The following NPHP4 variants were observed in gnomAD, a reference collection of about 807,000 sequenced individuals.
NPHP4 encodes the protein nephrocystin 4.
NPHP4 carries 151 observed loss-of-function variants against 155.8 expected under a neutral mutation model. That is an observed-to-expected ratio of 0.97 (90% CI 0.85 to 1.11). The LOEUF (loss-of-function observed/expected upper bound fraction) is 1.11, where lower values mean the gene tolerates loss of function less well. NPHP4 is among the 50% of genes least tolerant of loss of function. The pLI, the probability that NPHP4 is intolerant of heterozygous loss-of-function variation, is 0.00. For synonymous variants in NPHP4, 845 were observed against 816.8 expected (o/e 1.03, Z -0.59); for missense variants, 1,956 against 1,925.7 (o/e 1.02, Z -0.29).
At position 5,905,498 on chromosome 1, in the gene NPHP4, C is replaced by G. The variant is rs750330288; in HGVS notation, c.1764-15G>C. ...GCCCTGCAGAGCTGAGACACAGAGA[C>G]TCCTCAGGTAGCCTCCCGGGAAAGG... On this transcript the variant is annotated splice_polypyrimidine_tract_variant and intron_variant, in intron 14 of 29. Coordinates refer to ENST00000378156, the MANE Select transcript of NPHP4 (RefSeq NM_015102.5). The surrounding 1 kb of genome is among the most constrained non-coding windows in gnomAD (Gnocchi z 4.0). 5.6e-6 allele frequency: 9 copies of G among 1,599,436 alleles called. No homozygotes were observed. In the South Asian group the frequency reaches 1.0e-4, roughly 18 times the overall value.
intron 13 of NPHP4, among the ~76,000 whole-genome samples, chr1:5,906,525 T>A (rs1156824315): frequency 6.6e-6 from 1 of 152,382 alleles, no homozygotes; most frequent in Middle Eastern, 3.4e-3. Context: ...CAGCAGAGAC[T>A]CATGGTGCTA....
chr1:5,917,094 C>T (rs76978389), intron 11 of NPHP4, among the ~76,000 whole-genome samples: 3,887 of 152,242 alleles, frequency 0.026, 63 homozygotes, highest in Non-Finnish European at 0.035. Flanking sequence ...TCAACTTCAC[C>T]GACCCTGAAT....
At chr1:5,958,849 CCT>C (rs1649745273) in intron 6 of NPHP4, among the ~76,000 whole-genome samples, 1 of 32,868 alleles carries the variant, frequency 3.0e-5, no homozygotes, top group Non-Finnish European at 5.6e-5. Flanking sequence ...AGAGCCAGAC[CCT>C]GTCTCAAAAA....
chr1:5,936,875 A>G (rs1447793413), intron 9 of NPHP4, among the ~76,000 whole-genome samples: 1 of 152,240 alleles, frequency 6.6e-6, no homozygotes, highest in Non-Finnish European at 1.5e-5. Flanking sequence ...GTGATTAGTT[A>G]CAGTGTTGTG....
chr1:5,889,887 T>G lies in NPHP4; in HGVS notation c.2304+981A>C, dbSNP rs1314145176. 6.6e-6 allele frequency among the ~76,000 whole-genome samples: 1 copy of G among 152,124 alleles called. No homozygotes were observed. The highest frequency in any genetic ancestry group is 1.5e-5 in the Non-Finnish European group (1 of 68,000). ...ACGTTCTGTGCACAGCCCACCACCC[T>G]GGGGGGCATCCCCCTCCTCTAGAAG... On this transcript the variant is annotated intron_variant, in intron 17 of 29. Coordinates refer to ENST00000378156, the MANE Select transcript of NPHP4 (RefSeq NM_015102.5). The surrounding 1 kb of genome is among the most constrained non-coding windows in gnomAD (Gnocchi z 4.2).
chr1:5,967,259 GA>G (rs1557856025), intron 5 of NPHP4, 39 bp downstream of exon 5: 1 of 1,520,836 alleles, frequency 6.6e-7, no homozygotes, highest in South Asian at 1.2e-5. Flanking sequence ...GGGAAGGCAC[GA>G]GAGCAGTGAG....
rs1553154613 is a variant in NPHP4 at position 5,869,243 on chromosome 1, A to ATGCACCCACATG, written c.3316-1348_3316-1347insCATGTGGGTGCA. 6.5e-5 allele frequency among the ~76,000 whole-genome samples: 9 copies of ATGCACCCACATG among 137,804 alleles called. No individual in the cohort carries two copies. The East Asian group carries it at 1.7e-3, about 26-fold the overall frequency. 90.4% of individuals were successfully genotyped at this position (137,804 alleles called of 152,430 possible). On this transcript the variant is annotated intron_variant, in intron 23 of 29. Coordinates refer to ENST00000378156, the MANE Select transcript of NPHP4 (RefSeq NM_015102.5). Reference sequence around the variant, plus strand: ...CACATCCACCCACATGCACACACACACACACACACATGCACACCCACATGC... The same window carrying ATGCACCCACATG: ...CACATCCACCCACATGCACACACACATGCACCCACATGCACACACACATGCACACCCACATGC...
intron 22 of NPHP4, among the ~76,000 whole-genome samples, chr1:5,874,199 G>A (rs1014099294): frequency 6.0e-5 from 8 of 133,888 alleles, no homozygotes; most frequent in African/African-American, 2.2e-4. Flanking sequence ...GATTCACTGG[G>A]CTTTAAGAAG....
At chr1:5,877,039 G>C (rs1033065657) in intron 20 of NPHP4, 54 bp downstream of exon 20, 7 of 1,178,974 alleles carry the variant, frequency 5.9e-6, no homozygotes, top group Admixed American at 3.3e-5. Context: ...GATGTGCACA[G>C]TGACTCAGTC....
chr1:5,887,520 ACCAGCCCTGCAGGTGGAGGCTGCTCC>A, intron 17 of NPHP4, 54 bp from the exon 18 acceptor site: 1 of 1,584,266 alleles, frequency 6.3e-7, no homozygotes, highest in Non-Finnish European at 8.6e-7. Context: ...GGCTGCTTCC[ACCAGCCCTGCAGGTGGAGGCTGCTCC>A]CCAGCCCAGC....
chr1:5,866,960 TG>T, intron 25 of NPHP4, 69 bp downstream of exon 25: 1 of 1,183,206 alleles, frequency 8.5e-7, no homozygotes, highest in Non-Finnish European at 1.2e-6. Context: ...AGGATACCCG[TG>T]GGGAAGCCGA....
At chr1:5,972,471 T>C (rs1188023474) in intron 3 of NPHP4, among the ~76,000 whole-genome samples, 3 of 152,140 alleles carry the variant, frequency 2.0e-5, no homozygotes, top group Non-Finnish European at 4.4e-5. Flanking sequence ...TCATTTGGAG[T>C]AAAAATGTAA....
intron 23 of NPHP4, among the ~76,000 whole-genome samples, chr1:5,869,164 AC>A (rs1641711216): frequency 6.9e-6 from 1 of 144,158 alleles, no homozygotes; most frequent in Admixed American, 6.9e-5. Context: ...ACACACACGC[AC>A]CCACATGCAC....
intron 23 of NPHP4, among the ~76,000 whole-genome samples, chr1:5,870,331 C>A (rs1330235912): frequency 6.6e-6 from 1 of 152,094 alleles, no homozygotes; most frequent in Non-Finnish European, 1.5e-5. Context: ...ATGATAGTAA[C>A]AAAATGAATA....
At chr1:5,899,985 G>A (rs573471555) in intron 16 of NPHP4, among the ~76,000 whole-genome samples, 1 of 152,290 alleles carries the variant, frequency 6.6e-6, no homozygotes, top group East Asian at 1.9e-4. Flanking sequence ...TAGGTCACTA[G>A]AGAACTGCAA....
At position 5,969,254 on chromosome 1, in the gene NPHP4, C is replaced by G. The variant is rs767329719; in HGVS notation, c.285G>C (p.Leu95Phe). Residue 95 changes from leucine (L) to phenylalanine (F), a missense_variant, in exon 4 of 30, where the codon TTG becomes TTC. By Grantham distance (22) the Leu-to-Phe change is conservative (BLOSUM62 0). Transcript: ENST00000378156. ...GGTGGTTTAGGGATGTGTGAAAATACAAGGGCTGCAGAACAGAAGCCAGAG... is the reference window on the plus strand; with the variant it reads ...GGTGGTTTAGGGATGTGTGAAAATAGAAGGGCTGCAGAACAGAAGCCAGAG... Reference protein sequence around the residue: ...PPSRIVFNEPLYFHTSLNHPH... With the variant: ...PPSRIVFNEPFYFHTSLNHPH... The G allele has an allele frequency of 6.4e-7, 1 of 1,554,722 alleles. No homozygotes were observed. Among genetic ancestry groups the G allele is most frequent in the African/African-American group, 1.4e-5 (1 of 73,624 alleles).
intron 11 of NPHP4, among the ~76,000 whole-genome samples, chr1:5,909,654 C>T (rs1038293857): frequency 1.3e-5 from 2 of 152,138 alleles, no homozygotes; most frequent in African/African-American, 2.4e-5. Flanking sequence ...ACCTGGCTTG[C>T]GGCCTCACGA....
chr1:5,975,801 G>C (rs751335793), intron 3 of NPHP4, among the ~76,000 whole-genome samples: 10 of 152,230 alleles, frequency 6.6e-5, no homozygotes, highest in Non-Finnish European at 1.2e-4. Flanking sequence ...CCCTCGGAGT[G>C]CATGAACATA....
At position 5,892,044 on chromosome 1, in the gene NPHP4, T is replaced by C. The variant is rs58773600; in HGVS notation, c.2144-1016A>G. ...CACAGCAGGAGCTCACGGGGGCATCTTGGGGCAGAAAGGCAAATAAGGAAT... is the reference window on the plus strand; with the variant it reads ...CACAGCAGGAGCTCACGGGGGCATCCTGGGGCAGAAAGGCAAATAAGGAAT... On this transcript the variant is annotated intron_variant, in intron 16 of 29. Coordinates refer to ENST00000378156, the MANE Select transcript of NPHP4 (RefSeq NM_015102.5). This position sits in a 1 kb window ranked among gnomAD's most constrained non-coding sequence, Gnocchi z 4.5. Among the ~76,000 whole-genome samples the C allele has an allele frequency of 8.1e-3, 1,231 of 152,284 alleles. 9 individuals are homozygous for C. The highest frequency in any genetic ancestry group is 0.028 in the African/African-American group (1,161 of 41,558).
Sources: allele counts gnomAD v4.1 joint callset (sites outside exome capture counted in the v4.1 genomes callset), GRCh38; gene constraint gnomAD v4.1.1; non-coding constraint Gnocchi (gnomAD v3.1); transcripts MANE v1.5; gene names NCBI Gene and HGNC (gene_info 2026-07-23, HGNC 2026-07-21).